The following TCP11L2 variants were observed in gnomAD, a reference collection of about 807,000 sequenced individuals.
TCP11L2 encodes T-complex protein 11-like protein 2.
In TCP11L2, 39 loss-of-function variants were observed where a neutral mutation model predicts 50.7. The ratio of observed to expected loss-of-function variants is 0.77; its 90% CI spans 0.60 to 1.01. The LOEUF is 1.01. TCP11L2 is among the 50% of genes least tolerant of loss of function. The pLI, the probability that TCP11L2 is intolerant of heterozygous loss-of-function variation, is 0.00. For synonymous variants in TCP11L2, 192 were observed against 219.3 expected (o/e 0.88, Z 1.10); for missense variants, 612 against 614.7 (o/e 1.00, Z 0.05).
chr12:106,301,979 A>G (rs2034429898), upstream of TCP11L2: 1 of 152,276 alleles, frequency 6.6e-6, no homozygotes, highest in Admixed American at 6.5e-5. Context: ...CCAAGGAGCT[A>G]ATCGTCCCGT....
Position 106,344,183 on chromosome 12 carries a change from G to A in TCP11L2, c.1316-2103G>A, listed in dbSNP as rs370137135. Among the ~76,000 whole-genome samples, 155 of 151,862 alleles carry A rather than the reference G, an allele frequency of 1.0e-3. 4 individuals carry two copies. The East Asian group carries it at 0.017, about 17-fold the overall frequency. ...AAAAAAAGAAAAAAAATACAGATAA[G>A]GCTTAAGTCACCTTTGTTTGCCTTC... On this transcript the variant is annotated intron_variant, in intron 9 of 9. Transcript: ENST00000299045.
rs112857169 is a variant in TCP11L2, at chr12:106,319,057, G to A, written c.414+593G>A. ...CTCCCGAGTAGCTGGGACTACAGGCGCCCGCCACCGCGCCCAGCTAATTTT... is the reference window on the plus strand; with the variant it reads ...CTCCCGAGTAGCTGGGACTACAGGCACCCGCCACCGCGCCCAGCTAATTTT... On this transcript the variant is annotated intron_variant, in intron 4 of 9. Transcript: ENST00000299045. Among the ~76,000 whole-genome samples the A allele has an allele frequency of 1.4e-3, 208 of 152,088 alleles. 1 individual carries two copies. Among genetic ancestry groups the A allele is most frequent in the Middle Eastern group, 6.8e-3 (2 of 292 alleles).
chr12:106,326,012 G>A (rs1381529881), intron 6 of TCP11L2: 3 of 152,014 alleles, frequency 2.0e-5, no homozygotes, highest in Admixed American at 1.3e-4. Flanking sequence ...CAGTGAAGTA[G>A]GTACTGTTAT....
intron 9 of TCP11L2, among the ~76,000 whole-genome samples, chr12:106,341,241 A>G (rs1226536208): frequency 3.3e-5 from 5 of 152,240 alleles, no homozygotes; most frequent in Middle Eastern, 3.2e-3. Context: ...TTTTATGACA[A>G]GAATAACAGA....
intron 2 of TCP11L2, among the ~76,000 whole-genome samples, chr12:106,313,913 C>T (rs568852315): frequency 6.6e-6 from 1 of 151,770 alleles, no homozygotes; most frequent in African/African-American, 2.4e-5. Context: ...CTACAGGTGC[C>T]CGCCACCATG....
At position 106,346,537 on chromosome 12, in the gene TCP11L2, A is replaced by G. The variant is rs750282393; in HGVS notation, c.*7A>G. The G allele has an allele frequency of 6.2e-7, 1 of 1,608,240 alleles. No individual in the cohort carries two copies. The highest frequency in any genetic ancestry group is 1.1e-5 in the South Asian group (1 of 90,844). On this transcript the variant is annotated 3_prime_UTR_variant, in exon 10 of 10. Transcript: ENST00000299045. ...TTCACCTCCTACTAACTAAAGAAGA[A>G]CTGACATTGGACGAGAGATTGGAAA...
chr12:106,315,104 G>A lies in TCP11L2; in HGVS notation c.293+611G>A, dbSNP rs11112936. On this transcript the variant is annotated intron_variant, in intron 3 of 9. Coordinates refer to ENST00000299045, the MANE Select transcript of TCP11L2 (RefSeq NM_152772.3). ...ACAAAAATTAGCCGGCCATGGTGGT[G>A]GGGCGCGTGTAATCCCAGCTACTTG... 6.2e-4 allele frequency among the ~76,000 whole-genome samples: 94 copies of A among 152,060 alleles called. No homozygotes were observed. In the East Asian group the frequency reaches 0.015, roughly 24 times the overall value.
chr12:106,308,797 T>TA (rs750825816), intron 1 of TCP11L2, among the ~76,000 whole-genome samples: 23 of 152,230 alleles, frequency 1.5e-4, no homozygotes, highest in Non-Finnish European at 5.9e-5. Context: ...CGTGTCATGA[T>TA]ATCAGGTTGC....
intron 4 of TCP11L2, among the ~76,000 whole-genome samples, chr12:106,319,836 T>C (rs982414924): frequency 6.6e-6 from 1 of 152,266 alleles, no homozygotes; most frequent in African/African-American, 2.4e-5. Context: ...CTCTTAAGCA[T>C]GTACTGTATG....
chr12:106,321,807 T>A, intron 5 of TCP11L2, 101 bp downstream of exon 5: 1 of 914,246 alleles, frequency 1.1e-6, no homozygotes, highest in Non-Finnish European at 1.7e-6. Context: ...GTACCCCAAA[T>A]AAATTACTGA....
rs764926168 is a variant in TCP11L2, at chr12:106,323,696, A to G, written c.772+50A>G. 1.4e-5 allele frequency: 14 copies of G among 974,834 alleles called. No homozygotes were observed. In the African/African-American group the frequency reaches 2.1e-4, roughly 14 times the overall value. The allele number at this position is 974,834 out of a possible 1,614,324, so 60.4% of individuals were successfully genotyped here. A position where few individuals can be genotyped will look rare whatever the true frequency, so the allele number is the denominator to read the frequency against. ...ATATTGAAATTAGGTTAAAATGATGATTTTAAATGTTAAAATTTAAATTAA... is the reference window on the plus strand; with the variant it reads ...ATATTGAAATTAGGTTAAAATGATGGTTTTAAATGTTAAAATTTAAATTAA... On this transcript the variant is annotated intron_variant, in intron 6 of 9. Transcript: ENST00000299045.
chr12:106,317,196 A>G (rs570852265), intron 3 of TCP11L2, among the ~76,000 whole-genome samples: 15 of 152,316 alleles, frequency 9.8e-5, no homozygotes, highest in Admixed American at 9.1e-4. Flanking sequence ...CAAAGTACAG[A>G]GTTAGGACAC....
chr12:106,331,102 C>G (rs534880587), intron 6 of TCP11L2, among the ~76,000 whole-genome samples: 2 of 152,276 alleles, frequency 1.3e-5, no homozygotes, highest in African/African-American at 2.4e-5. Flanking sequence ...GTATGAGACT[C>G]AAGTTCAGTG....
chr12:106,336,295 T>A, intron 8 of TCP11L2, 82 bp downstream of exon 8: 1 of 1,307,594 alleles, frequency 7.6e-7, no homozygotes, highest in Non-Finnish European at 1.0e-6. Context: ...ACCTTGGACA[T>A]CTGGATGTGA....
At chr12:106,334,677 T>G (rs1164008786) in intron 6 of TCP11L2, among the ~76,000 whole-genome samples, 1 of 152,166 alleles carries the variant, frequency 6.6e-6, no homozygotes, top group Non-Finnish European at 1.5e-5. Flanking sequence ...GCGCAGTGGC[T>G]CACGCCTGTA....
At position 106,314,447 on chromosome 12, in the gene TCP11L2, G is replaced by A. The variant is rs762413418; in HGVS notation, c.247G>A (p.Val83Ile). 1.1e-5 allele frequency: 17 copies of A among 1,613,370 alleles called. No individual in the cohort carries two copies. Among genetic ancestry groups the A allele is most frequent in the African/African-American group, 2.7e-5 (2 of 74,812 alleles). ...CTTGACTCTTGCTCATGAGATTGCT[G>A]TAAATGAGAACTTTCAATTGAAACA... ...SNLTLAHEIA[V>I]NENFQLKQEA... Residue 83 changes from valine to isoleucine, a missense_variant, in exon 3 of 10, where the codon GTA becomes ATA. Transcript: ENST00000299045.
At chr12:106,309,874 G>A (rs2034781678) in intron 1 of TCP11L2, among the ~76,000 whole-genome samples, 1 of 152,054 alleles carries the variant, frequency 6.6e-6, no homozygotes, top group Admixed American at 6.6e-5. Flanking sequence ...ACTATACATA[G>A]TTGTGGTTTC....
chr12:106,344,877 A>T (rs902772330), intron 9 of TCP11L2, among the ~76,000 whole-genome samples: 2 of 152,192 alleles, frequency 1.3e-5, no homozygotes, highest in African/African-American at 4.8e-5. Context: ...TCAAAGTCAA[A>T]TACATTGAGG....
intron 2 of TCP11L2, 39 bp from the exon 3 acceptor site, chr12:106,314,319 T>C (rs1592936762): frequency 6.3e-7 from 1 of 1,588,532 alleles, no homozygotes; most frequent in Admixed American, 1.7e-5. Flanking sequence ...ATGACAACTT[T>C]TCTTCTGCAA....
Sources: allele counts gnomAD v4.1 joint callset (sites outside exome capture counted in the v4.1 genomes callset), GRCh38; gene constraint gnomAD v4.1.1; transcripts MANE v1.5; gene names NCBI Gene and HGNC (gene_info 2026-07-23, HGNC 2026-07-21).